Variants in CPAMD8 observed in about 807,000 individuals in gnomAD.
CPAMD8 encodes the protein C3 and PZP like alpha-2-macroglobulin domain containing 8.
Under a neutral mutation model 224.7 loss-of-function variants are expected in CPAMD8, and 146 were observed. The observed-to-expected ratio is 0.65, with a 90% CI of 0.57 to 0.75. The LOEUF is 0.75. Among genes scored for constraint, CPAMD8 ranks in the 30% least tolerant of loss-of-function variants. The probability of loss-of-function intolerance (pLI) is 0.00; values close to 1 mark genes in which losing one functional copy is unlikely to be tolerated. For synonymous variants in CPAMD8, 966 were observed against 1,044.6 expected, an observed-to-expected ratio of 0.92 and a Z score of 1.45; for missense variants, 2,301 against 2,537.5, an observed-to-expected ratio of 0.91 and a Z score of 2.00.
chr19:17,020,868 T>A (rs1294002320), intron 2 of CPAMD8, among the ~76,000 whole-genome samples: 1 of 152,202 alleles, frequency 6.6e-6, no homozygotes, highest in African/African-American at 2.4e-5. Context: ...CATTATCCCA[T>A]TTCCTGCTAA....
rs909776629 is a variant in CPAMD8, at chr19:17,009,408, G to A, written c.487-88C>T. ...GCTCATGCATGGCCTCGGTCCCCGGGACAGGCAGTCGCTGTTATGGGTTAA... is the reference window on the plus strand; with the variant it reads ...GCTCATGCATGGCCTCGGTCCCCGGAACAGGCAGTCGCTGTTATGGGTTAA... On this transcript the variant is annotated intron_variant, in intron 5 of 41. Coordinates refer to ENST00000443236, the MANE Select transcript of CPAMD8 (RefSeq NM_015692.5). The A allele has an allele frequency of 3.4e-5, 55 of 1,607,074 alleles. 2 individuals carry two copies. The Middle Eastern group carries it at 1.7e-3, about 48-fold the overall frequency.
intron 20 of CPAMD8, among the ~76,000 whole-genome samples, chr19:16,950,384 G>A (rs2054260509): frequency 6.6e-6 from 1 of 152,140 alleles, no homozygotes; most frequent in South Asian, 2.1e-4. Context: ...CACCAAAACT[G>A]AGTGAGTGGG....
At chr19:16,941,592 C>G (rs2053891347) in intron 22 of CPAMD8, among the ~76,000 whole-genome samples, 1 of 152,138 alleles carries the variant, frequency 6.6e-6, no homozygotes, top group Admixed American at 6.5e-5. Flanking sequence ...GAAGAGGGGC[C>G]TGGTGGAAGG....
intron 29 of CPAMD8, among the ~76,000 whole-genome samples, chr19:16,912,747 T>C (rs2052776525): frequency 6.6e-6 from 1 of 151,398 alleles, no homozygotes. Flanking sequence ...GAGGTTGCAG[T>C]GAGCTGAAAA....
At chr19:16,951,168 G>A (rs1252336857) in intron 20 of CPAMD8, among the ~76,000 whole-genome samples, 2 of 152,088 alleles carry the variant, frequency 1.3e-5, no homozygotes, top group East Asian at 3.9e-4. Flanking sequence ...CCAACAGATT[G>A]AATAACGTGC....
At chr19:17,020,928 G>A (rs900194504) in intron 2 of CPAMD8, among the ~76,000 whole-genome samples, 2 of 147,948 alleles carry the variant, frequency 1.4e-5, no homozygotes, top group Non-Finnish European at 2.9e-5. Flanking sequence ...CACAACGCAC[G>A]TGGCTCCCAA....
At chr19:16,989,208 C>T (rs2055850657) in intron 13 of CPAMD8, among the ~76,000 whole-genome samples, 1 of 152,108 alleles carries the variant, frequency 6.6e-6, no homozygotes, top group African/African-American at 2.4e-5. Flanking sequence ...CGTGCCCGTG[C>T]CCCCGTCTGT....
intron 26 of CPAMD8, among the ~76,000 whole-genome samples, chr19:16,922,406 A>C (rs1250228594): frequency 6.6e-6 from 1 of 151,066 alleles, no homozygotes. Context: ...ACTGCCCCAC[A>C]TCACATCTAG....
chr19:16,983,086 A>AC (rs2122793256), intron 13 of CPAMD8, among the ~76,000 whole-genome samples: 1 of 152,322 alleles, frequency 6.6e-6, no homozygotes, highest in South Asian at 2.1e-4. Context: ...CTCCCCAGCC[A>AC]CGTGGAACTG....
Position 16,902,649 on chromosome 19 carries a change from C to T in CPAMD8, c.4685G>A (p.Arg1562Lys), listed in dbSNP as rs773467928. 1 of 1,602,092 alleles carries T rather than the reference C, an allele frequency of 6.2e-7. No individual in the cohort carries two copies. The highest frequency in any genetic ancestry group is 8.5e-7 in the Non-Finnish European group (1 of 1,173,232). Residue 1562 changes from arginine (R) to lysine (K), a missense_variant and splice_region_variant, in exon 35 of 42, where the codon AGG (arginine) becomes AAG (lysine). Coordinates refer to ENST00000443236, the MANE Select transcript of CPAMD8 (RefSeq NM_015692.5). ...EYKVMLEVCT[R>K]WLHAGSSNMA... ...ACGCCAGCAGGGCAGGTGGCCTTAC[C>T]TGGTGCACACCTCCAGCATCACCTT...
intron 10 of CPAMD8, among the ~76,000 whole-genome samples, chr19:16,997,890 C>T (rs1425545022): frequency 6.6e-6 from 1 of 152,048 alleles, no homozygotes; most frequent in East Asian, 1.9e-4. Context: ...ACAGCCCAGG[C>T]AACAGAGGGG....
chr19:16,961,195 C>T (rs1485592704), intron 18 of CPAMD8, among the ~76,000 whole-genome samples: 3 of 152,186 alleles, frequency 2.0e-5, no homozygotes, highest in Non-Finnish European at 2.9e-5. Flanking sequence ...AAGGATGAGC[C>T]GCAGTAGGGC....
chr19:16,893,056 G>C lies in CPAMD8; in HGVS notation c.*52C>G, dbSNP rs907108417. On this transcript the variant is annotated 3_prime_UTR_variant, in exon 42 of 42. Coordinates refer to ENST00000443236, the MANE Select transcript of CPAMD8 (RefSeq NM_015692.5). ...AGGCACAAGCTGGGTGTGTGGGTATGAATGGTCCCCAGGACCAAACTGCGG... is the reference window on the plus strand; with the variant it reads ...AGGCACAAGCTGGGTGTGTGGGTATCAATGGTCCCCAGGACCAAACTGCGG... The C allele has an allele frequency of 1.2e-6, 1 of 838,068 alleles. No homozygotes were observed. The highest frequency in any genetic ancestry group is 2.1e-6 in the Non-Finnish European group (1 of 473,054). The allele number at this position is 838,068 out of a possible 1,614,324, so 51.9% of individuals were successfully genotyped here.
chr19:17,002,572 T>TC (rs35179971), intron 8 of CPAMD8: 88,093 of 443,766 alleles, frequency 0.2, 10,387 homozygotes, highest in African/African-American at 0.38. Context: ...TCAAGGGGCC[T>TC]CCCCTGTCAC....
At chr19:16,929,965 C>T (rs751285494) in intron 23 of CPAMD8, among the ~76,000 whole-genome samples, 5 of 151,976 alleles carry the variant, frequency 3.3e-5, no homozygotes, top group East Asian at 1.9e-4. Flanking sequence ...TATACAGACA[C>T]GCAAAGGACC....
chr19:16,906,403 T>TTCCTTCCTTCCTTCCTTCCTTCCTTCC (rs1568459868), intron 30 of CPAMD8, among the ~76,000 whole-genome samples: 2 of 79,814 alleles, frequency 2.5e-5, no homozygotes, highest in African/African-American at 5.7e-5. Flanking sequence ...TCTTTCTTTC[T>TTCCTTCCTTCCTTCCTTCCTTCCTTCC]TTCTTTCCTT....
At chr19:16,902,926 G>T in intron 34 of CPAMD8, 63 bp from the exon 35 acceptor site, 1 of 989,680 alleles carries the variant, frequency 1.0e-6, no homozygotes, top group Non-Finnish European at 1.5e-6. Context: ...TGCAGGGTAG[G>T]GGAGGAGAAG....
chr19:16,898,920 T>G lies in CPAMD8; in HGVS notation c.4848+555A>C, dbSNP rs961581279. Reference sequence around the variant, plus strand: ...ATTCTCCCAGTGTCTTATTTTTTTTTGTTTTTTTTTAGACAAGGTCTTGCA... The same window carrying G: ...ATTCTCCCAGTGTCTTATTTTTTTTGGTTTTTTTTTAGACAAGGTCTTGCA... On this transcript the variant is annotated intron_variant, in intron 37 of 41. Coordinates refer to ENST00000443236, the MANE Select transcript of CPAMD8 (RefSeq NM_015692.5). This position sits in a 1 kb window ranked among gnomAD's most constrained non-coding sequence, Gnocchi z 4.2. 4.0e-5 allele frequency among the ~76,000 whole-genome samples: 6 copies of G among 151,340 alleles called. No homozygotes were observed. Among genetic ancestry groups the G allele is most frequent in the Non-Finnish European group, 5.9e-5 (4 of 68,020 alleles).
chr19:16,971,925 T>C (rs1370711321), intron 17 of CPAMD8, among the ~76,000 whole-genome samples: 1 of 152,008 alleles, frequency 6.6e-6, no homozygotes, highest in African/African-American at 2.4e-5. Flanking sequence ...TGGGCACCTG[T>C]AATCCCAGCT....
Sources: allele counts gnomAD v4.1 joint callset (sites outside exome capture counted in the v4.1 genomes callset), GRCh38; gene constraint gnomAD v4.1.1; non-coding constraint Gnocchi (gnomAD v3.1); transcripts MANE v1.5; gene names NCBI Gene and HGNC (gene_info 2026-07-23, HGNC 2026-07-21).